OPCML: variants seen among roughly 807,000 people sequenced by gnomAD.
OPCML encodes opioid binding protein/cell adhesion molecule like, also known as opioid-binding protein/cell adhesion molecule.
A neutral mutation model predicts 37.8 loss-of-function variants in OPCML; 13 were observed. The observed-to-expected ratio is 0.34, with a 90% CI of 0.22 to 0.55. The LOEUF is 0.55. OPCML is among the 20% of genes least tolerant of loss of function. The pLI is 0.91. For synonymous variants in OPCML, 176 were observed against 168.8 expected, an observed-to-expected ratio of 1.04 and a Z score of -0.33; for missense variants, 341 against 435.6, an observed-to-expected ratio of 0.78 and a Z score of 1.93.
At chr11:132,656,209 G>C (rs1269799314) in intron 3 of OPCML, among the ~76,000 whole-genome samples, 1 of 152,176 alleles carries the variant, frequency 6.6e-6, no homozygotes, top group Non-Finnish European at 1.5e-5. Flanking sequence ...GGTGATGATA[G>C]TTGGGGTCAA....
intron 2 of OPCML, among the ~76,000 whole-genome samples, chr11:132,850,509 T>C (rs1236982050): frequency 7.1e-6 from 1 of 140,518 alleles, no homozygotes; most frequent in African/African-American, 2.7e-5. Context: ...TTCTACACTG[T>C]GGAAAGGGTG....
At chr11:132,721,950 CTTTTT>C (rs34325848) in intron 2 of OPCML, among the ~76,000 whole-genome samples, 9 of 82,790 alleles carry the variant, frequency 1.1e-4, no homozygotes, top group Admixed American at 3.4e-4. Context: ...CTTTCCTTCC[CTTTTT>C]TTTTTTTTTT....
At chr11:132,823,846 T>C (rs1029100668) in intron 2 of OPCML, among the ~76,000 whole-genome samples, 1 of 152,156 alleles carries the variant, frequency 6.6e-6, no homozygotes, top group Admixed American at 6.5e-5. Flanking sequence ...TGGCACATGA[T>C]CGCAGCATTT....
At chr11:133,047,086 T>G (rs559768144) in intron 1 of OPCML, among the ~76,000 whole-genome samples, 48 of 152,314 alleles carry the variant, frequency 3.2e-4, no homozygotes, top group African/African-American at 1.2e-3. Flanking sequence ...AAGGTGATCA[T>G]ATCTTGCATT....
intron 4 of OPCML, among the ~76,000 whole-genome samples, chr11:132,507,133 TA>T (rs1301154637): frequency 6.6e-6 from 1 of 150,760 alleles, no homozygotes; most frequent in Non-Finnish European, 1.5e-5. Flanking sequence ...ATTATACTGA[TA>T]AAAGAAGCAA....
At chr11:132,686,568 C>T (rs1591726189) in intron 2 of OPCML, among the ~76,000 whole-genome samples, 1 of 152,276 alleles carries the variant, frequency 6.6e-6, no homozygotes, top group Non-Finnish European at 1.5e-5. Context: ...AGTTTATGGC[C>T]AGCACATGGG....
chr11:133,136,136 G>T (rs1183032348), intron 1 of OPCML, among the ~76,000 whole-genome samples: 1 of 152,148 alleles, frequency 6.6e-6, no homozygotes, highest in African/African-American at 2.4e-5. Context: ...ACTGAGAGTA[G>T]GAGACACCTA....
chr11:132,542,073 G>A (rs139407775), intron 3 of OPCML, among the ~76,000 whole-genome samples: 222 of 152,308 alleles, frequency 1.5e-3, no homozygotes, highest in Non-Finnish European at 2.3e-3. Context: ...CTTGGTTACA[G>A]ATGATCAGTG....
At chr11:132,629,866 A>G (rs986362661) in intron 3 of OPCML, among the ~76,000 whole-genome samples, 1 of 152,234 alleles carries the variant, frequency 6.6e-6, no homozygotes, top group Non-Finnish European at 1.5e-5. Context: ...AAAAGGCACT[A>G]ATAAGTTAAA....
At chr11:132,746,233 G>A (rs1945630788) in intron 2 of OPCML, among the ~76,000 whole-genome samples, 2 of 152,154 alleles carry the variant, frequency 1.3e-5, no homozygotes, top group South Asian at 4.1e-4. Flanking sequence ...CAGAACTTGA[G>A]GCTTTTGTCA....
At chr11:133,114,295 G>A (rs1159986916) in intron 1 of OPCML, among the ~76,000 whole-genome samples, 1 of 152,170 alleles carries the variant, frequency 6.6e-6, no homozygotes, top group Non-Finnish European at 1.5e-5. Context: ...CCCAGTCAGT[G>A]CCAATGTGTC....
chr11:133,292,377 C>T (rs1307209737), intron 1 of OPCML, among the ~76,000 whole-genome samples: 1 of 152,108 alleles, frequency 6.6e-6, no homozygotes, highest in Non-Finnish European at 1.5e-5. Flanking sequence ...TCAACATTTC[C>T]ACTTGTTTCC....
chr11:133,351,299 A>G (rs962689075), intron 1 of OPCML, among the ~76,000 whole-genome samples: 15 of 152,124 alleles, frequency 9.9e-5, no homozygotes, highest in African/African-American at 3.4e-4. Flanking sequence ...AGTCACTACA[A>G]TTGAGCTTTC....
In OPCML at chr11:132,675,372, G is replaced by A. The variant is rs150392811; in HGVS notation, c.147-18053C>T. On this transcript the variant is annotated intron_variant, in intron 2 of 7. Transcript: ENST00000524381. The stretch of plus-strand genomic sequence containing the variant: ...ATGTATAGCTCTTAATTACACCCTC[G>A]CCTCCCCTTTCTTATCCAGGAACAC... Among the ~76,000 whole-genome samples the A allele has an allele frequency of 2.5e-3, 385 of 151,704 alleles. 3 individuals carry two copies. Among genetic ancestry groups the A allele is most frequent in the African/African-American group, 8.6e-3 (354 of 41,350 alleles).
intron 1 of OPCML, chr11:133,006,673 C>T (rs1947119425): frequency 2.0e-6 from 2 of 985,308 alleles, no homozygotes. Context: ...TTCCCTGATC[C>T]CACATGTCTG....
rs115545465 is a variant in OPCML, at chr11:132,763,773, G to A, written c.147-106454C>T. ...TGTCCATGCGGCCCTGCCTAGCTAA[G>A]CACAGGAGCTGTCACTCCTCGGAAG... is the stretch of plus-strand genomic sequence containing the variant. On this transcript the variant is annotated intron_variant, in intron 2 of 7. Coordinates refer to ENST00000524381, the MANE Select transcript of OPCML (RefSeq NM_001012393.5). 2.8e-3 allele frequency among the ~76,000 whole-genome samples: 431 copies of A among 152,328 alleles called. 4 individuals carry two copies. The highest frequency in any genetic ancestry group is 9.7e-3 in the African/African-American group (405 of 41,580).
At chr11:133,258,484 C>T (rs541013733) in intron 1 of OPCML, among the ~76,000 whole-genome samples, 1 of 152,082 alleles carries the variant, frequency 6.6e-6, no homozygotes, top group South Asian at 2.1e-4. Context: ...CACCTTAGGG[C>T]GTGGCAAGGA....
intron 1 of OPCML, among the ~76,000 whole-genome samples, chr11:133,358,307 C>T (rs1944336773): frequency 1.3e-5 from 2 of 152,126 alleles, no homozygotes; most frequent in African/African-American, 4.8e-5. Flanking sequence ...GGCAGGGATT[C>T]TATTTTGTAT....
intron 1 of OPCML, among the ~76,000 whole-genome samples, chr11:133,486,587 C>G (rs1177224174): frequency 6.6e-6 from 1 of 152,130 alleles, no homozygotes; most frequent in Non-Finnish European, 1.5e-5. Context: ...CCTCAGAGCT[C>G]TCTTAGCAGC....
Sources: allele counts gnomAD v4.1 joint callset (sites outside exome capture counted in the v4.1 genomes callset), GRCh38; gene constraint gnomAD v4.1.1; transcripts MANE v1.5; gene names NCBI Gene and HGNC (gene_info 2026-07-23, HGNC 2026-07-21).